Variants in GPC1 observed in about 807,000 individuals in gnomAD.
GPC1 encodes the protein glypican-1.
Under a neutral mutation model 51.5 loss-of-function variants are expected in GPC1, and 26 were observed. The observed-to-expected ratio is 0.50, with a 90% CI of 0.37 to 0.70. The LOEUF is 0.70. Ranked by LOEUF, GPC1 falls within the 30% of genes least tolerant of loss-of-function variation. The pLI, the probability that GPC1 is intolerant of heterozygous loss-of-function variation, is 0.00. For missense variants in GPC1, 775 were observed against 800.5 expected, an observed-to-expected ratio of 0.97 and a Z score of 0.38; for synonymous variants, 380 against 348.3, an observed-to-expected ratio of 1.09 and a Z score of -1.01.
At chr2:240,446,197 C>T (rs13419708) in intron 1 of GPC1, among the ~76,000 whole-genome samples, 99 of 152,002 alleles carry the variant, frequency 6.5e-4, no homozygotes, top group African/African-American at 2.3e-3. Context: ...GGGGGAACGT[C>T]GTGGGGAGTC....
At position 240,465,582 on chromosome 2, in the gene GPC1, C is replaced by T; in HGVS notation, c.1378C>T (p.Leu460=). 6.2e-7 allele frequency: 1 copy of T among 1,613,150 alleles called. No individual in the cohort carries two copies. The highest frequency in any genetic ancestry group is 8.5e-7 in the Non-Finnish European group (1 of 1,179,980). Residue 460 remains leucine, a synonymous_variant, in exon 8 of 9, where the codon CTG becomes TTG. Coordinates refer to ENST00000264039, the MANE Select transcript of GPC1 (RefSeq NM_002081.3). ...DMTIRQQIMQ[L]KIMTNRLRSA... is the part of the protein sequence containing the mutation. ...GACCATCCGGCAGCAGATCATGCAG[C>T]TGAAGATCATGACCAACCGGCTGCG...
intron 1 of GPC1, chr2:240,450,773 G>T (rs181891037): frequency 4.3e-6 from 2 of 470,320 alleles, no homozygotes; most frequent in Admixed American, 4.7e-5. Flanking sequence ...TCATTTAGAC[G>T]TGTGCCTTTA....
At chr2:240,447,513 C>T (rs2074058976) in intron 1 of GPC1, among the ~76,000 whole-genome samples, 1 of 152,216 alleles carries the variant, frequency 6.6e-6, no homozygotes, top group Non-Finnish European at 1.5e-5. Flanking sequence ...CCTCGGGTTC[C>T]CAGGGAGGCG....
chr2:240,435,812 GC>G lies in GPC1; in HGVS notation c.-106del. The G allele has an allele frequency of 1.4e-6, 1 of 717,838 alleles. No homozygotes were observed. The highest frequency in any genetic ancestry group is 1.9e-6 in the Non-Finnish European group (1 of 529,786). The allele number at this position is 717,838 out of a possible 1,614,324, so 44.5% of individuals were successfully genotyped here. A position where few individuals can be genotyped will look rare whatever the true frequency, so the allele number is the denominator to read the frequency against. On this transcript the variant is annotated 5_prime_UTR_variant, in exon 1 of 9. Coordinates refer to ENST00000264039, the MANE Select transcript of GPC1 (RefSeq NM_002081.3). ...CCGCCGCCTCTGGACCGCGAGCCGC[GC>G]GCGCCGGGACCTTGGCTCTGCCCTT...
At chr2:240,436,445 A>C (rs1257229939) in intron 1 of GPC1, among the ~76,000 whole-genome samples, 1 of 151,950 alleles carries the variant, frequency 6.6e-6, no homozygotes, top group Non-Finnish European at 1.5e-5. Flanking sequence ...CGCTCGGCCC[A>C]GCGCGCCTGC....
intron 1 of GPC1, chr2:240,451,477 G>C (rs1264147365): frequency 3.0e-6 from 1 of 338,438 alleles, no homozygotes; most frequent in Non-Finnish European, 5.9e-6. Flanking sequence ...CAGCCTGCCT[G>C]AATTTCCACC....
intron 1 of GPC1, among the ~76,000 whole-genome samples, chr2:240,441,626 G>A (rs1372762235): frequency 6.6e-6 from 1 of 152,218 alleles, no homozygotes; most frequent in East Asian, 1.9e-4. Flanking sequence ...CCCACTTTAC[G>A]TGGGGGCTCC....
intron 2 of GPC1, among the ~76,000 whole-genome samples, 191 bp downstream of exon 2, chr2:240,459,379 G>A (rs1193378827): frequency 6.6e-6 from 1 of 152,102 alleles, no homozygotes; most frequent in Admixed American, 6.5e-5. Context: ...CCTCAGGCAG[G>A]GATCTGCAGG....
At chr2:240,443,234 G>A (rs114667722) in intron 1 of GPC1, among the ~76,000 whole-genome samples, 2,782 of 152,372 alleles carry the variant, frequency 0.018, 61 homozygotes, top group African/African-American at 0.051. Flanking sequence ...TCGTGGTTCA[G>A]TGGTGTGAGT....
chr2:240,465,671 C>T (rs527687491), intron 8 of GPC1, 23 bp downstream of exon 8: 41 of 1,606,872 alleles, frequency 2.6e-5, no homozygotes, highest in Middle Eastern at 3.3e-4. Flanking sequence ...CCTGGCCGGG[C>T]GGCCAAGGGG....
At chr2:240,449,689 C>A (rs991444034) in intron 1 of GPC1, 2 of 366,818 alleles carry the variant, frequency 5.5e-6, no homozygotes, top group Admixed American at 6.5e-5. Context: ...AAACTCTGTC[C>A]CCATTAAACA....
At chr2:240,447,415 G>T (rs1182996461) in intron 1 of GPC1, among the ~76,000 whole-genome samples, 1 of 152,224 alleles carries the variant, frequency 6.6e-6, no homozygotes, top group Non-Finnish European at 1.5e-5. Context: ...GGTGTGGCAG[G>T]GCTGCTCTGA....
rs2074223577 is a variant in GPC1 at position 240,462,336 on chromosome 2, G to C, written c.471G>C (p.Leu157=). The C allele has an allele frequency of 6.2e-7, 1 of 1,602,732 alleles. No individual in the cohort carries two copies. Among genetic ancestry groups the C allele is most frequent in the Non-Finnish European group, 8.5e-7 (1 of 1,175,458 alleles). ...ELRLYYRGAN[L]HLEETLAEFW... is the part of the protein sequence containing the mutation. ...GCCTGTACTACCGCGGTGCCAACCTGCACCTGGAGGAGACGCTGGCCGAGT... is the reference window on the plus strand; with the variant it reads ...GCCTGTACTACCGCGGTGCCAACCTCCACCTGGAGGAGACGCTGGCCGAGT... The change falls in exon 3 of 9, where the codon CTG becomes CTC. Residue 157 remains leucine, a synonymous_variant. Transcript: ENST00000264039.
In GPC1 at chr2:240,465,477, C is replaced by T. The variant is rs1280529425; in HGVS notation, c.1273C>T (p.Leu425Phe). 2 of 1,612,892 alleles carry T rather than the reference C, an allele frequency of 1.2e-6. No individual in the cohort carries two copies. Among genetic ancestry groups the T allele is most frequent in the Non-Finnish European group, 8.5e-7 (1 of 1,179,868 alleles). Residue 425 changes from leucine (L) to phenylalanine (F), a missense_variant, in exon 8 of 9, where the codon CTC (leucine) becomes TTC (phenylalanine). Physicochemically the swap from Leu to Phe is conservative, Grantham distance 22. Transcript: ENST00000264039. ...CWNGMARGRYLPEVMGDGLAN... is the reference protein window; with the variant it reads ...CWNGMARGRYFPEVMGDGLAN... ...CTCTGCCTGCCTTTCCCCCAGGTAC[C>T]TCCCCGAGGTCATGGGTGACGGCCT... is the stretch of plus-strand genomic sequence containing the variant.
In GPC1 at chr2:240,463,964, C is replaced by T. The variant is rs1002703641; in HGVS notation, c.883+452C>T. 3.2e-5 allele frequency: 7 copies of T among 221,998 alleles called. No individual in the cohort carries two copies. In the Admixed American group the frequency reaches 3.6e-4, roughly 11 times the overall value. The allele number at this position is 221,998 out of a possible 1,614,324, so 13.8% of individuals were successfully genotyped here. A position where few individuals can be genotyped will look rare whatever the true frequency, so the allele number is the denominator to read the frequency against. ...TCCTGGGCGCATGTGATGACATGAG[C>T]TGGGCTGACCCGCATCAATGCCAAC... On this transcript the variant is annotated intron_variant, in intron 4 of 8. Transcript: ENST00000264039.
intron 1 of GPC1, among the ~76,000 whole-genome samples, chr2:240,444,899 C>T (rs1255741917): frequency 6.6e-6 from 1 of 152,192 alleles, no homozygotes; most frequent in African/African-American, 2.4e-5. Flanking sequence ...GCTCTGGAGA[C>T]TGCAGGGAGA....
Position 240,465,215 on chromosome 2 carries a change from G to T in GPC1, c.1268+5G>T, listed in dbSNP as rs1205355976. 6.2e-7 allele frequency: 1 copy of T among 1,600,880 alleles called. No individual in the cohort carries two copies. Among genetic ancestry groups the T allele is most frequent in the Non-Finnish European group, 8.5e-7 (1 of 1,173,316 alleles). On this transcript the variant is annotated splice_donor_5th_base_variant and intron_variant, in intron 7 of 8. Transcript: ENST00000264039. ...GAACGGGATGGCCAGAGGCCGGTAG[G>T]TGCCCACCTGGCTGGCACAGCCCTC... is the stretch of plus-strand genomic sequence containing the variant.
chr2:240,450,715 T>C, intron 1 of GPC1: 1 of 468,594 alleles, frequency 2.1e-6, no homozygotes, highest in South Asian at 1.6e-5. Context: ...ATGCTGGCAG[T>C]GGGTCGTGTT....
chr2:240,450,277 G>A (rs772058190), intron 1 of GPC1: 140 of 327,986 alleles, frequency 4.3e-4, no homozygotes, highest in Non-Finnish European at 7.3e-4. Context: ...TCCTGGGACC[G>A]CCCAGACCTC....
Sources: allele counts gnomAD v4.1 joint callset (sites outside exome capture counted in the v4.1 genomes callset), GRCh38; gene constraint gnomAD v4.1.1; transcripts MANE v1.5; gene names NCBI Gene and HGNC (gene_info 2026-07-23, HGNC 2026-07-21).